Variants in NOPCHAP1 observed in about 807,000 individuals in gnomAD.
NOPCHAP1 encodes NOP protein chaperone 1.
NOPCHAP1 carries 13 observed loss-of-function variants against 14.0 expected under a neutral mutation model. The observed-to-expected ratio is 0.93, with a 90% CI of 0.60 to 1.47. The LOEUF (loss-of-function observed/expected upper bound fraction) is 1.47, where lower values mean the gene tolerates loss of function less well. Ranked by LOEUF, NOPCHAP1 falls within the 40% of genes most tolerant of loss-of-function variation. NOPCHAP1 has a pLI of 0.00. For missense variants in NOPCHAP1, 230 were observed against 226.9 expected (o/e 1.01, Z -0.09); for synonymous variants, 78 against 78.4 (o/e 1.00, Z 0.03).
chr12:105,007,281 C>G lies in NOPCHAP1; in HGVS notation c.*12585C>G, dbSNP rs1175150895. 2.0e-5 allele frequency: 3 copies of G among 152,172 alleles called. No individual in the cohort carries two copies. Among genetic ancestry groups the G allele is most frequent in the Admixed American group, 2.0e-4 (3 of 15,284 alleles). 9.4% of individuals were successfully genotyped at this position (152,172 alleles called of 1,614,324 possible). A position where few individuals can be genotyped will look rare whatever the true frequency, so the allele number is the denominator to read the frequency against. ...TTTGTGCCCGCTAGCGTAGCTGCAG[C>G]AATGGCTTCACAAATTTCCTTTTCT... On this transcript the variant is annotated 3_prime_UTR_variant, in exon 4 of 4. Transcript: ENST00000552951.
At position 105,014,478 on chromosome 12, in the gene NOPCHAP1, T is replaced by G. The variant is rs1873906385; in HGVS notation, c.*19782T>G. 1 of 152,212 alleles carries G rather than the reference T, an allele frequency of 6.6e-6. No individual in the cohort carries two copies. Among genetic ancestry groups the G allele is most frequent in the Non-Finnish European group, 1.5e-5 (1 of 68,034 alleles). 9.4% of individuals were successfully genotyped at this position (152,212 alleles called of 1,614,324 possible). A position where few individuals can be genotyped will look rare whatever the true frequency, so the allele number is the denominator to read the frequency against. On this transcript the variant is annotated 3_prime_UTR_variant, in exon 4 of 4. Coordinates refer to ENST00000552951, the MANE Select transcript of NOPCHAP1 (RefSeq NM_152318.3). ...CCATGTATAAGTGGACCCACACAGT[T>G]CAAATCTGTGTTGTTCAAGTGTCAC...
Position 105,017,347 on chromosome 12 carries a change from A to C in NOPCHAP1, c.*22651A>C, listed in dbSNP as rs1873967040. On this transcript the variant is annotated 3_prime_UTR_variant, in exon 4 of 4. Transcript: ENST00000552951. ...AACCCTGTCTCTATTAAAAATATAA[A>C]AATGAGCCAGATGCGGTGGTGCATA... 6.6e-6 allele frequency: 1 copy of C among 152,042 alleles called. No homozygotes were observed. Among genetic ancestry groups the C allele is most frequent in the South Asian group, 2.1e-4 (1 of 4,812 alleles). 9.4% of individuals were successfully genotyped at this position (152,042 alleles called of 1,614,324 possible).
At chr12:104,994,148 C>G (rs1261122576) in intron 3 of NOPCHAP1, among the ~76,000 whole-genome samples, 1 of 152,154 alleles carries the variant, frequency 6.6e-6, no homozygotes, top group Non-Finnish European at 1.5e-5. Context: ...AGTTCAAGAC[C>G]AGCCTGGCCA....
chr12:104,988,474 G>T (rs370531003), intron 2 of NOPCHAP1, among the ~76,000 whole-genome samples: 11 of 152,220 alleles, frequency 7.2e-5, no homozygotes, highest in African/African-American at 2.6e-4. Flanking sequence ...ATTGCTTGTG[G>T]GTTGAATTTT....
rs1047411360 is a variant in NOPCHAP1 at position 105,003,738 on chromosome 12, G to A, written c.*9042G>A. 3 of 152,230 alleles carry A rather than the reference G, an allele frequency of 2.0e-5. No individual in the cohort carries two copies. The highest frequency in any genetic ancestry group is 6.5e-5 in the Admixed American group (1 of 15,282). 9.4% of individuals were successfully genotyped at this position (152,230 alleles called of 1,614,324 possible). A position where few individuals can be genotyped will look rare whatever the true frequency, so the allele number is the denominator to read the frequency against. ...TATGAATTAGCACTCAAAACTGAAAGGTTCAGAGTGTTCCACTCTGTGGCA... is the reference window on the plus strand; with the variant it reads ...TATGAATTAGCACTCAAAACTGAAAAGTTCAGAGTGTTCCACTCTGTGGCA... On this transcript the variant is annotated 3_prime_UTR_variant, in exon 4 of 4. Coordinates refer to ENST00000552951, the MANE Select transcript of NOPCHAP1 (RefSeq NM_152318.3).
chr12:104,986,611 G>A, intron 1 of NOPCHAP1, 144 bp downstream of exon 1: 1 of 643,032 alleles, frequency 1.6e-6, no homozygotes, highest in South Asian at 2.6e-5. Flanking sequence ...GGGCTCCGGC[G>A]TGCCCTGCCC....
chr12:104,989,741 A>T (rs778107229), intron 2 of NOPCHAP1, among the ~76,000 whole-genome samples: 1 of 152,174 alleles, frequency 6.6e-6, no homozygotes, highest in Non-Finnish European at 1.5e-5. Context: ...AGGGACTCCA[A>T]TGACACCTAA....
At chr12:104,989,598 C>A (rs918967504) in intron 2 of NOPCHAP1, among the ~76,000 whole-genome samples, 3 of 152,050 alleles carry the variant, frequency 2.0e-5, no homozygotes, top group African/African-American at 7.2e-5. Context: ...GTGATGTGCC[C>A]TTTGTAGTTT....
chr12:105,003,775 C>CTT lies in NOPCHAP1; in HGVS notation c.*9082_*9083dup. On this transcript the variant is annotated 3_prime_UTR_variant, in exon 4 of 4. Coordinates refer to ENST00000552951, the MANE Select transcript of NOPCHAP1 (RefSeq NM_152318.3). ...TCCACTCTGTGGCACAGAGAGTATG[C>CTT]TTTTATAAGTATAAATTGAACTTGG... 1 of 152,202 alleles carries CTT rather than the reference C, an allele frequency of 6.6e-6. No homozygotes were observed. The highest frequency in any genetic ancestry group is 1.9e-4 in the East Asian group (1 of 5,204). The allele number at this position is 152,202 out of a possible 1,614,324, so 9.4% of individuals were successfully genotyped here. A position where few individuals can be genotyped will look rare whatever the true frequency, so the allele number is the denominator to read the frequency against.
chr12:104,986,509 C>T (rs956500613), intron 1 of NOPCHAP1, 42 bp downstream of exon 1: 17 of 1,509,898 alleles, frequency 1.1e-5, no homozygotes, highest in Non-Finnish European at 1.5e-5. Flanking sequence ...ACACGTGCGG[C>T]AGAGGAGGCG....
rs898740472 is a variant in NOPCHAP1, at chr12:104,995,554, G to C, written c.*858G>C. 2 of 152,150 alleles carry C rather than the reference G, an allele frequency of 1.3e-5. No individual in the cohort carries two copies. The highest frequency in any genetic ancestry group is 4.8e-5 in the African/African-American group (2 of 41,406). 9.4% of individuals were successfully genotyped at this position (152,150 alleles called of 1,614,324 possible). On this transcript the variant is annotated 3_prime_UTR_variant, in exon 4 of 4. Coordinates refer to ENST00000552951, the MANE Select transcript of NOPCHAP1 (RefSeq NM_152318.3). ...GGTGGCTCCTACCCCAGGAGGTCTG[G>C]TTGGTCATAAAATAAGATTTTTCCC...
Position 104,986,468 on chromosome 12 carries a change from G to A in NOPCHAP1, c.115+1G>A. 6.3e-7 allele frequency: 1 copy of A among 1,597,836 alleles called. No individual in the cohort carries two copies. Among genetic ancestry groups the A allele is most frequent in the Non-Finnish European group, 8.5e-7 (1 of 1,170,988 alleles). ...ACGGCGGGAAGCGACGGCCGCGGAG[G>A]TGACGGACGGGTGACGGCGGCATGG... On this transcript the variant is annotated splice_donor_variant, in intron 1 of 3. Transcript: ENST00000552951. LOFTEE classifies it high-confidence loss of function.
At position 105,007,676 on chromosome 12, in the gene NOPCHAP1, G is replaced by GC. The variant is rs1253407510; in HGVS notation, c.*12984dup. On this transcript the variant is annotated 3_prime_UTR_variant, in exon 4 of 4. Transcript: ENST00000552951. ...CCCCTAGGCCCCCACCCCCCAACAG[G>GC]CCCCAGTGTGTGATGTTCCCCTCCC... 1 of 151,818 alleles carries GC rather than the reference G, an allele frequency of 6.6e-6. No homozygotes were observed. The highest frequency in any genetic ancestry group is 2.4e-5 in the African/African-American group (1 of 41,294). The allele number at this position is 151,818 out of a possible 1,614,324, so 9.4% of individuals were successfully genotyped here. A position where few individuals can be genotyped will look rare whatever the true frequency, so the allele number is the denominator to read the frequency against.
rs1293227230 is a variant in NOPCHAP1 at position 105,012,280 on chromosome 12, C to T, written c.*17584C>T. On this transcript the variant is annotated 3_prime_UTR_variant, in exon 4 of 4. Coordinates refer to ENST00000552951, the MANE Select transcript of NOPCHAP1 (RefSeq NM_152318.3). Reference sequence around the variant, plus strand: ...CCTTTCTCCCACTTGATCGATTAGGCCATTGATACTTGTGTATGCTTCACG... The same window carrying T: ...CCTTTCTCCCACTTGATCGATTAGGTCATTGATACTTGTGTATGCTTCACG... 6.6e-6 allele frequency: 1 copy of T among 152,132 alleles called. No individual in the cohort carries two copies. Among genetic ancestry groups the T allele is most frequent in the Non-Finnish European group, 1.5e-5 (1 of 68,030 alleles). The allele number at this position is 152,132 out of a possible 1,614,324, so 9.4% of individuals were successfully genotyped here. A position where few individuals can be genotyped will look rare whatever the true frequency, so the allele number is the denominator to read the frequency against.
intron 2 of NOPCHAP1, among the ~76,000 whole-genome samples, chr12:104,990,554 C>G (rs1248037889): frequency 6.6e-6 from 1 of 152,148 alleles, no homozygotes; most frequent in Admixed American, 6.5e-5. Context: ...CCACTATTTT[C>G]TTTTCTTCTT....
chr12:105,009,632 T>C lies in NOPCHAP1; in HGVS notation c.*14936T>C, dbSNP rs1282752034. 1 of 152,186 alleles carries C rather than the reference T, an allele frequency of 6.6e-6. No homozygotes were observed. The highest frequency in any genetic ancestry group is 1.5e-5 in the Non-Finnish European group (1 of 68,026). The allele number at this position is 152,186 out of a possible 1,614,324, so 9.4% of individuals were successfully genotyped here. ...AAAAAGCTCCTATTGTTTTGAAATA[T>C]GTTCCATCAGTACCTAGTTTATTGA... On this transcript the variant is annotated 3_prime_UTR_variant, in exon 4 of 4. Transcript: ENST00000552951.
Position 105,008,999 on chromosome 12 carries a change from G to GT in NOPCHAP1, c.*14309dup, listed in dbSNP as rs1313159936. 3 of 152,190 alleles carry GT rather than the reference G, an allele frequency of 2.0e-5. No homozygotes were observed. Among genetic ancestry groups the GT allele is most frequent in the Non-Finnish European group, 2.9e-5 (2 of 68,042 alleles). The allele number at this position is 152,190 out of a possible 1,614,324, so 9.4% of individuals were successfully genotyped here. On this transcript the variant is annotated 3_prime_UTR_variant, in exon 4 of 4. Transcript: ENST00000552951. ...TGGGTTTCATATGAAATTTAAAGTA[G>GT]TTTTTTCTAATTCTGTGAAGAAAGT...
rs962273160 is a variant in NOPCHAP1 at position 104,986,334 on chromosome 12, G to C, written c.-19G>C. On this transcript the variant is annotated 5_prime_UTR_variant, in exon 1 of 4. Coordinates refer to ENST00000552951, the MANE Select transcript of NOPCHAP1 (RefSeq NM_152318.3). ...CTTTTTCCTGCATCCGGGCCTGAGA[G>C]TGCAGGCTTGAGGGAAGCATGGAGG... The C allele has an allele frequency of 2.5e-6, 4 of 1,591,418 alleles. No homozygotes were observed. In the African/African-American group the frequency reaches 5.4e-5, roughly 21 times the overall value.
chr12:104,995,955 TG>T lies in NOPCHAP1; in HGVS notation c.*1262del, dbSNP rs1188289110. 1 of 152,180 alleles carries T rather than the reference TG, an allele frequency of 6.6e-6. No homozygotes were observed. Among genetic ancestry groups the T allele is most frequent in the Admixed American group, 6.5e-5 (1 of 15,274 alleles). 9.4% of individuals were successfully genotyped at this position (152,180 alleles called of 1,614,324 possible). A position where few individuals can be genotyped will look rare whatever the true frequency, so the allele number is the denominator to read the frequency against. On this transcript the variant is annotated 3_prime_UTR_variant, in exon 4 of 4. Transcript: ENST00000552951. Reference sequence around the variant, plus strand: ...CACCCTTCTTGACCTGCCAAAGTGTTGGGATTACAGGCATGAGCCACCGTGC... The same window carrying T: ...CACCCTTCTTGACCTGCCAAAGTGTTGGATTACAGGCATGAGCCACCGTGC...
Sources: allele counts gnomAD v4.1 joint callset (sites outside exome capture counted in the v4.1 genomes callset), GRCh38; gene constraint gnomAD v4.1.1; transcripts MANE v1.5; gene names NCBI Gene and HGNC (gene_info 2026-07-23, HGNC 2026-07-21).